Variants in CARS2 observed in about 807,000 individuals in gnomAD.
CARS2 encodes the protein probable cysteine--tRNA ligase, mitochondrial.
Under a neutral mutation model 68.8 loss-of-function variants are expected in CARS2, and 52 were observed. The observed-to-expected ratio is 0.76, with a 90% CI of 0.61 to 0.95. The LOEUF is 0.95. Ranked by LOEUF, CARS2 falls within the 40% of genes least tolerant of loss-of-function variation. CARS2 has a pLI of 0.00. For synonymous variants in CARS2, 314 were observed against 303.6 expected, an observed-to-expected ratio of 1.03 and a Z score of -0.36; for missense variants, 780 against 754.2, an observed-to-expected ratio of 1.03 and a Z score of -0.40.
In CARS2 at chr13:110,670,958, G is replaced by T. The variant is rs7984286; in HGVS notation, c.786-3485C>A. On this transcript the variant is annotated intron_variant, in intron 7 of 14. Coordinates refer to ENST00000257347, the MANE Select transcript of CARS2 (RefSeq NM_024537.4). This position sits in a 1 kb window ranked among gnomAD's most constrained non-coding sequence, Gnocchi z 4.1. ...CCGATTTGATCAAGTGGAAGAAAGGGTATCAGTGATTGAAGATCAAATGAA... is the reference window on the plus strand; with the variant it reads ...CCGATTTGATCAAGTGGAAGAAAGGTTATCAGTGATTGAAGATCAAATGAA... 0.086 allele frequency among the ~76,000 whole-genome samples: 13,066 copies of T among 152,176 alleles called. 679 individuals are homozygous for T. The highest frequency in any genetic ancestry group is 0.17 in the East Asian group (882 of 5,178).
At chr13:110,643,230 T>C (rs559617497) in intron 13 of CARS2, 92 of 174,570 alleles carry the variant, frequency 5.3e-4, no homozygotes, top group African/African-American at 2.0e-3. Flanking sequence ...GAATGAGATA[T>C]CTTTGACAAG....
chr13:110,693,001 T>C (rs538310929), intron 3 of CARS2, among the ~76,000 whole-genome samples: 1 of 149,862 alleles, frequency 6.7e-6, no homozygotes, highest in African/African-American at 2.5e-5. Context: ...TCCCAGCCAT[T>C]TGGGAGGCTG....
chr13:110,667,953 C>A (rs754885031), intron 7 of CARS2, among the ~76,000 whole-genome samples: 8 of 152,154 alleles, frequency 5.3e-5, no homozygotes, highest in Admixed American at 5.2e-4. Context: ...CCATAAAAAC[C>A]GCGTTTCTGC....
chr13:110,675,067 G>A (rs978217196), intron 7 of CARS2, among the ~76,000 whole-genome samples: 1 of 151,914 alleles, frequency 6.6e-6, no homozygotes, highest in Non-Finnish European at 1.5e-5. Context: ...AACAGGTGCT[G>A]GAGAGGATGT....
At position 110,651,149 on chromosome 13, in the gene CARS2, G is replaced by A. The variant is rs376496407; in HGVS notation, c.988-49C>T. ...TCACGAGGCTTTGCTTTTACGCTTCGCACTGTTCAGAGAATATGTTACTTT... is the reference window on the plus strand; with the variant it reads ...TCACGAGGCTTTGCTTTTACGCTTCACACTGTTCAGAGAATATGTTACTTT... On this transcript the variant is annotated intron_variant, in intron 9 of 14. Coordinates refer to ENST00000257347, the MANE Select transcript of CARS2 (RefSeq NM_024537.4). 154 of 1,274,894 alleles carry A rather than the reference G, an allele frequency of 1.2e-4. 1 individual carries two copies. Among genetic ancestry groups the A allele is most frequent in the African/African-American group, 1.2e-3 (82 of 67,994 alleles). 79.0% of individuals were successfully genotyped at this position (1,274,894 alleles called of 1,614,324 possible).
intron 3 of CARS2, among the ~76,000 whole-genome samples, chr13:110,698,889 T>G (rs916130270): frequency 6.6e-6 from 1 of 151,958 alleles, no homozygotes; most frequent in Admixed American, 6.6e-5. Flanking sequence ...GGTGCACAGC[T>G]GAGTCCCAGC....
intron 3 of CARS2, among the ~76,000 whole-genome samples, chr13:110,694,047 G>C (rs931378131): frequency 6.6e-6 from 1 of 151,772 alleles, no homozygotes; most frequent in African/African-American, 2.4e-5. Context: ...TATTTTTTGA[G>C]ATGTAGTTTT....
intron 8 of CARS2, chr13:110,666,245 G>C (rs1198569885): frequency 1.0e-6 from 1 of 985,322 alleles, no homozygotes; most frequent in Admixed American, 6.1e-5. Context: ...AGCTGAAACG[G>C]AAGTGAGGGC....
chr13:110,679,249 G>A lies in CARS2; in HGVS notation c.656-2146C>T, dbSNP rs1594341401. ...ATTTCCCATTAAAAGTAAAATGGGA[G>A]CTGGGCGCGGTGGCTCACACCTAGA... On this transcript the variant is annotated intron_variant, in intron 6 of 14. Transcript: ENST00000257347. Among the ~76,000 whole-genome samples the A allele has an allele frequency of 2.0e-5, 3 of 152,262 alleles. No individual in the cohort carries two copies. In the South Asian group the frequency reaches 6.2e-4, roughly 32 times the overall value.
chr13:110,677,018 T>A lies in CARS2; in HGVS notation c.741A>T (p.Gly247=), dbSNP rs998783511. Residue 247 remains glycine (G), a synonymous_variant, in exon 7 of 15, where the codon GGA becomes GGT. Coordinates refer to ENST00000257347, the MANE Select transcript of CARS2 (RefSeq NM_024537.4). ...PQEVFWASPW[G]PGRPGWHIEC... ...CGATGTGCCAGCCCGGCCTCCCGGG[T>A]CCCCAGGGAGAGGCCCAGAACACCT... The A allele has an allele frequency of 4.3e-5, 69 of 1,602,976 alleles. 1 individual carries two copies. The South Asian group carries it at 7.6e-4, about 18-fold the overall frequency.
chr13:110,681,920 G>C (rs1053974356), intron 6 of CARS2, among the ~76,000 whole-genome samples: 1 of 152,208 alleles, frequency 6.6e-6, no homozygotes, highest in East Asian at 1.9e-4. Flanking sequence ...ATGGGAAAGA[G>C]GGAAGGATGA....
At chr13:110,667,942 T>G (rs528580501) in intron 7 of CARS2, among the ~76,000 whole-genome samples, 479 of 152,288 alleles carry the variant, frequency 3.1e-3, no homozygotes, top group Non-Finnish European at 5.4e-3. Flanking sequence ...GTGCCATGCC[T>G]CCATAAAAAC....
rs531862002 is a variant in CARS2 at position 110,667,675 on chromosome 13, C to T, written c.786-202G>A. The stretch of plus-strand genomic sequence containing the variant: ...AAGCCCGTAATTCATGACTTTTCAT[C>T]CTAGTAAAGGCACTTAATTCTTTTT... On this transcript the variant is annotated intron_variant, in intron 7 of 14. Coordinates refer to ENST00000257347, the MANE Select transcript of CARS2 (RefSeq NM_024537.4). Among the ~76,000 whole-genome samples the T allele has an allele frequency of 2.0e-5, 3 of 152,310 alleles. No homozygotes were observed. The South Asian group carries it at 6.2e-4, about 32-fold the overall frequency.
chr13:110,705,980 G>A lies in CARS2; in HGVS notation c.114C>T (p.Arg38=). The A allele has an allele frequency of 7.3e-6, 11 of 1,509,052 alleles. No homozygotes were observed. Among genetic ancestry groups the A allele is most frequent in the South Asian group, 2.5e-5 (2 of 80,472 alleles). The allele number at this position is 1,509,052 out of a possible 1,614,324, so 93.5% of individuals were successfully genotyped here. The change falls in exon 1 of 15, where the codon CGC becomes CGT. Residue 38 remains arginine (R), a synonymous_variant. Transcript: ENST00000257347. This position sits in a 1 kb window ranked among gnomAD's most constrained non-coding sequence, Gnocchi z 4.0. ...WPAGRAASGG[R]GRAWLQPTGR... Reference sequence around the variant, plus strand: ...CCGTGGGCTGCAGCCAGGCCCGCCCGCGCCCCCCGCTCGCCGCCCGGCCCG... The same window carrying A: ...CCGTGGGCTGCAGCCAGGCCCGCCCACGCCCCCCGCTCGCCGCCCGGCCCG...
At chr13:110,707,365 G>C (rs989054332), upstream of CARS2, 14 of 152,184 alleles carry the variant, frequency 9.2e-5, no homozygotes, top group African/African-American at 3.1e-4. Context: ...GCCTCTATTG[G>C]GCCAGGCGCA....
At chr13:110,650,998 T>TGG (rs71669698) in intron 10 of CARS2, 36 bp downstream of exon 10, 1 of 1,503,606 alleles carries the variant, frequency 6.7e-7, no homozygotes. Flanking sequence ...GTCTCCGAGC[T>TGG]GGGGGGGGAG....
intron 5 of CARS2, among the ~76,000 whole-genome samples, chr13:110,687,473 G>A (rs1307584694): frequency 6.6e-6 from 1 of 152,014 alleles, no homozygotes; most frequent in African/African-American, 2.4e-5. Flanking sequence ...TTTGAGACCA[G>A]CTTGGCCAAC....
intron 3 of CARS2, among the ~76,000 whole-genome samples, chr13:110,689,397 C>T (rs757394181): frequency 3.9e-5 from 6 of 152,208 alleles, no homozygotes; most frequent in Non-Finnish European, 5.9e-5. Flanking sequence ...TCAAGCGCAA[C>T]GCCACACGTG....
chr13:110,669,751 CAGGGTGGGGCATCGCCTCACCTGTGA>C (rs1415484535), intron 7 of CARS2, among the ~76,000 whole-genome samples: 4 of 152,106 alleles, frequency 2.6e-5, no homozygotes, highest in Non-Finnish European at 5.9e-5. Flanking sequence ...TGAGCCGAAG[CAGGGTGGGGCATCGCCTCACCTGTGA>C]AGTGTGAGGG....
Sources: allele counts gnomAD v4.1 joint callset (sites outside exome capture counted in the v4.1 genomes callset), GRCh38; gene constraint gnomAD v4.1.1; non-coding constraint Gnocchi (gnomAD v3.1); transcripts MANE v1.5; gene names NCBI Gene and HGNC (gene_info 2026-07-23, HGNC 2026-07-21).